The following ZNF385D variants were observed in gnomAD, a reference collection of about 807,000 sequenced individuals.
The protein encoded by ZNF385D is zinc finger protein 385D.
In ZNF385D, 15 loss-of-function variants were observed where a neutral mutation model predicts 35.8. That is an observed-to-expected ratio of 0.42 (90% CI 0.28 to 0.64). The LOEUF (loss-of-function observed/expected upper bound fraction) is 0.64. Ranked by LOEUF, ZNF385D falls within the 30% of genes least tolerant of loss-of-function variation. The pLI is 0.23. For synonymous variants in ZNF385D, 212 were observed against 186.8 expected (o/e 1.13, Z -1.10); for missense variants, 474 against 494.6 (o/e 0.96, Z 0.39).
intron 3 of ZNF385D, among the ~76,000 whole-genome samples, chr3:21,769,340 C>T (rs1416753442): frequency 2.3e-5 from 3 of 127,756 alleles, no homozygotes; most frequent in East Asian, 2.6e-4. Flanking sequence ...AAAACCCCGT[C>T]GTCTCAGCCC....
chr3:21,772,691 C>T (rs1187308976), intron 3 of ZNF385D, among the ~76,000 whole-genome samples: 1 of 151,862 alleles, frequency 6.6e-6, no homozygotes, highest in African/African-American at 2.4e-5. Context: ...TATGATTGAG[C>T]AATTTCACTT....
intron 2 of ZNF385D, among the ~76,000 whole-genome samples, chr3:21,609,175 A>T (rs1021022743): frequency 1.3e-5 from 2 of 152,186 alleles, no homozygotes; most frequent in Non-Finnish European, 2.9e-5. Flanking sequence ...AGTAAAGTCC[A>T]TATTCCAGAA....
intron 2 of ZNF385D, among the ~76,000 whole-genome samples, chr3:22,293,602 A>T (rs1360431571): frequency 6.6e-6 from 1 of 152,114 alleles, no homozygotes; most frequent in Non-Finnish European, 1.5e-5. Flanking sequence ...CATATTTGAC[A>T]TCACACATTA....
In ZNF385D at chr3:21,436,054, C is replaced by G. The variant is rs536641168; in HGVS notation, c.673+916G>C. On this transcript the variant is annotated intron_variant, in intron 5 of 7. Transcript: ENST00000281523. ...TTTCTATTATAGTTGCTGACAGAGT[C>G]CTGGCAATGAACCCAGTCTTTTTGA... Among the ~76,000 whole-genome samples the G allele has an allele frequency of 3.3e-5, 5 of 152,230 alleles. No individual in the cohort carries two copies. The East Asian group carries it at 7.7e-4, about 24-fold the overall frequency.
rs2062519919 is a variant in ZNF385D at position 21,550,246 on chromosome 3, T to A, written c.276+14328A>T. Among the ~76,000 whole-genome samples the A allele has an allele frequency of 2.0e-5, 3 of 152,132 alleles. No individual in the cohort carries two copies. In the South Asian group the frequency reaches 6.2e-4, roughly 31 times the overall value. ...AGCTAAACAGCATTTCCTTTAAACA[T>A]CAATCCTGTGAATAATACTGATAAG... is the stretch of plus-strand genomic sequence containing the variant. On this transcript the variant is annotated intron_variant, in intron 3 of 7. Coordinates refer to ENST00000281523, the MANE Select transcript of ZNF385D (RefSeq NM_024697.3).
At chr3:21,861,894 A>G (rs186815776) in intron 3 of ZNF385D, among the ~76,000 whole-genome samples, 2 of 152,110 alleles carry the variant, frequency 1.3e-5, no homozygotes, top group Admixed American at 6.6e-5. Context: ...TGAGACATGA[A>G]GGTCTAGTTC....
intron 3 of ZNF385D, among the ~76,000 whole-genome samples, chr3:22,047,534 T>A (rs59004964): frequency 6.6e-6 from 1 of 152,132 alleles, no homozygotes; most frequent in Non-Finnish European, 1.5e-5. Flanking sequence ...TCACTTAACA[T>A]AATGTGCTCC....
At chr3:22,047,568 T>C (rs957188684) in intron 3 of ZNF385D, among the ~76,000 whole-genome samples, 3 of 152,152 alleles carry the variant, frequency 2.0e-5, no homozygotes, top group Non-Finnish European at 4.4e-5. Flanking sequence ...TTGTTATAAA[T>C]GACAGGATTT....
chr3:22,307,241 G>C (rs1362093132), intron 2 of ZNF385D, among the ~76,000 whole-genome samples: 1 of 152,074 alleles, frequency 6.6e-6, no homozygotes, highest in Non-Finnish European at 1.5e-5. Context: ...AGTTTAATTG[G>C]AACAGGCAGA....
intron 2 of ZNF385D, among the ~76,000 whole-genome samples, chr3:22,208,764 C>T (rs1271997595): frequency 2.6e-5 from 4 of 151,716 alleles, no homozygotes; most frequent in South Asian, 2.1e-4. Flanking sequence ...CAATACTTTT[C>T]TAAAATGTGT....
chr3:21,579,644 TA>T (rs1368430330), intron 2 of ZNF385D: 1 of 152,174 alleles, frequency 6.6e-6, no homozygotes, highest in East Asian at 1.9e-4. Context: ...TATAACAAAA[TA>T]CTGCAAACTC....
At chr3:21,648,138 C>T (rs1457630960) in intron 2 of ZNF385D, among the ~76,000 whole-genome samples, 1 of 152,138 alleles carries the variant, frequency 6.6e-6, no homozygotes, top group Non-Finnish European at 1.5e-5. Context: ...CAATAATCTG[C>T]ACGTGTCAAG....
At chr3:21,619,590 G>A (rs1413516283) in intron 2 of ZNF385D, among the ~76,000 whole-genome samples, 1 of 152,104 alleles carries the variant, frequency 6.6e-6, no homozygotes, top group African/African-American at 2.4e-5. Context: ...TTTAACACTA[G>A]CACTATTATA....
At chr3:21,508,608 T>A (rs1321472860) in intron 4 of ZNF385D, among the ~76,000 whole-genome samples, 1 of 152,150 alleles carries the variant, frequency 6.6e-6, no homozygotes, top group Non-Finnish European at 1.5e-5. Context: ...TATTAAATCC[T>A]CAGTATAAAA....
chr3:21,822,050 C>T (rs1694277934), intron 3 of ZNF385D, among the ~76,000 whole-genome samples: 1 of 151,432 alleles, frequency 6.6e-6, no homozygotes, highest in South Asian at 2.1e-4. Context: ...ATTTCTCCAC[C>T]ATTGGTTTAG....
intron 2 of ZNF385D, among the ~76,000 whole-genome samples, chr3:22,171,524 T>C (rs1694425265): frequency 1.3e-5 from 2 of 152,130 alleles, no homozygotes. Flanking sequence ...ATATGTGGTA[T>C]TGACACTAAG....
intron 3 of ZNF385D, among the ~76,000 whole-genome samples, chr3:21,849,442 T>C (rs1177917155): frequency 6.6e-6 from 1 of 152,012 alleles, no homozygotes; most frequent in Non-Finnish European, 1.5e-5. Flanking sequence ...CCACATGTCC[T>C]TTCTCTAACA....
chr3:21,552,550 T>C (rs1339589787), intron 3 of ZNF385D, among the ~76,000 whole-genome samples: 1 of 152,206 alleles, frequency 6.6e-6, no homozygotes, highest in African/African-American at 2.4e-5. Flanking sequence ...AGATCTTCTA[T>C]TGAAAAATAA....
intron 2 of ZNF385D, among the ~76,000 whole-genome samples, chr3:21,585,138 A>T (rs1033167531): frequency 6.6e-6 from 1 of 151,598 alleles, no homozygotes; most frequent in African/African-American, 2.4e-5. Flanking sequence ...GTTCCTAAAA[A>T]TGTATATTCA....
Sources: allele counts gnomAD v4.1 joint callset (sites outside exome capture counted in the v4.1 genomes callset), GRCh38; gene constraint gnomAD v4.1.1; transcripts MANE v1.5; gene names NCBI Gene and HGNC (gene_info 2026-07-23, HGNC 2026-07-21).